The following DTNB variants were observed in gnomAD, a reference collection of about 807,000 sequenced individuals.
DTNB encodes dystrobrevin beta.
DTNB carries 63 observed loss-of-function variants against 90.7 expected under a neutral mutation model. The ratio of observed to expected loss-of-function variants is 0.69; its 90% CI spans 0.57 to 0.86. The LOEUF (loss-of-function observed/expected upper bound fraction) is 0.86. Ranked by LOEUF, DTNB falls within the 40% of genes least tolerant of loss-of-function variation. The probability of loss-of-function intolerance (pLI) is 0.00; values close to 1 mark genes in which losing one functional copy is unlikely to be tolerated. For synonymous variants in DTNB, 277 were observed against 286.7 expected, an observed-to-expected ratio of 0.97 and a Z score of 0.34; for missense variants, 744 against 807.1, an observed-to-expected ratio of 0.92 and a Z score of 0.95.
chr2:25,639,019 C>G lies in DTNB; in HGVS notation c.143G>C (p.Cys48Ser). The change falls in exon 3 of 21, where the codon TGC becomes TCC. Residue 48 changes from cysteine (C) to serine (S), a missense_variant. Physicochemically the swap from Cys to Ser is moderately radical, Grantham distance 112. Transcript: ENST00000406818. Reference sequence around the variant, plus strand: ...AATGAGTAGAAATGACTCACGGTTGCATCGTTTTTGTACAAATCGTAATTT... The same window carrying G: ...AATGAGTAGAAATGACTCACGGTTGGATCGTTTTTGTACAAATCGTAATTT... Reference protein sequence around the residue: ...ACKLRFVQKRCNLHLVDIWNM... With the variant: ...ACKLRFVQKRSNLHLVDIWNM... 1 of 1,584,522 alleles carries G rather than the reference C, an allele frequency of 6.3e-7. No individual in the cohort carries two copies. The highest frequency in any genetic ancestry group is 1.3e-5 in the African/African-American group (1 of 74,678).
chr2:25,531,865 A>G (rs1411614191), intron 8 of DTNB, among the ~76,000 whole-genome samples: 1 of 152,100 alleles, frequency 6.6e-6, no homozygotes, highest in East Asian at 1.9e-4. Flanking sequence ...GGACATCTCT[A>G]TGTACTCTTG....
At chr2:25,549,217 T>C (rs2083084835) in intron 8 of DTNB, among the ~76,000 whole-genome samples, 1 of 151,860 alleles carries the variant, frequency 6.6e-6, no homozygotes, top group Non-Finnish European at 1.5e-5. Flanking sequence ...TATATATCAG[T>C]AATATATATT....
At chr2:25,487,380 G>A (rs1427221321) in intron 9 of DTNB, among the ~76,000 whole-genome samples, 1 of 152,238 alleles carries the variant, frequency 6.6e-6, no homozygotes, top group East Asian at 1.9e-4. Flanking sequence ...GTGATGTGTA[G>A]GCATTGTGTT....
chr2:25,580,537 A>G (rs1410634361), intron 7 of DTNB, among the ~76,000 whole-genome samples, 184 bp downstream of exon 7: 1 of 151,774 alleles, frequency 6.6e-6, no homozygotes, highest in Non-Finnish European at 1.5e-5. Context: ...AAAAAAAAGT[A>G]ATAAGTACCC....
chr2:25,539,937 ACATTT>A (rs1278759360), intron 8 of DTNB, among the ~76,000 whole-genome samples: 5 of 152,326 alleles, frequency 3.3e-5, no homozygotes, highest in African/African-American at 7.2e-5. Flanking sequence ...TTTACTACTT[ACATTT>A]ATCATTTAAT....
intron 8 of DTNB, among the ~76,000 whole-genome samples, chr2:25,537,048 G>A (rs775937451): frequency 5.3e-5 from 8 of 152,086 alleles, no homozygotes; most frequent in Non-Finnish European, 8.8e-5. Flanking sequence ...GCCCCATACT[G>A]CAATTTTTAA....
At chr2:25,519,922 C>G (rs2075841024) in intron 9 of DTNB, among the ~76,000 whole-genome samples, 1 of 152,046 alleles carries the variant, frequency 6.6e-6, no homozygotes, top group African/African-American at 2.4e-5. Flanking sequence ...CTCTAGTCTC[C>G]CATCAAAAGA....
intron 1 of DTNB, among the ~76,000 whole-genome samples, chr2:25,661,836 G>T (rs192208780): frequency 1.5e-4 from 23 of 152,096 alleles, no homozygotes; most frequent in Non-Finnish European, 3.2e-4. Context: ...AAATATAACA[G>T]CAAAAGCAGT....
At chr2:25,588,821 T>C (rs972187972) in intron 6 of DTNB, among the ~76,000 whole-genome samples, 1 of 152,202 alleles carries the variant, frequency 6.6e-6, no homozygotes, top group African/African-American at 2.4e-5. Flanking sequence ...TGAGGTATCA[T>C]TGGCTATATA....
At chr2:25,520,057 T>C (rs1422761624) in intron 9 of DTNB, among the ~76,000 whole-genome samples, 2 of 151,982 alleles carry the variant, frequency 1.3e-5, no homozygotes, top group Non-Finnish European at 2.9e-5. Context: ...TAAAACCAAT[T>C]AATAACTCTC....
chr2:25,479,391 G>A (rs1343711614), intron 10 of DTNB, among the ~76,000 whole-genome samples: 2 of 152,164 alleles, frequency 1.3e-5, no homozygotes, highest in Non-Finnish European at 2.9e-5. Flanking sequence ...GGACAGGGGA[G>A]GGGTATTTTA....
intron 9 of DTNB, among the ~76,000 whole-genome samples, chr2:25,511,704 A>G (rs1038948120): frequency 2.6e-5 from 4 of 152,160 alleles, no homozygotes; most frequent in African/African-American, 7.2e-5. Context: ...TAAGCTTTCA[A>G]TAGGGCTGAG....
chr2:25,653,589 G>A (rs538454128), intron 1 of DTNB, among the ~76,000 whole-genome samples: 43 of 142,768 alleles, frequency 3.0e-4, no homozygotes, highest in Admixed American at 1.0e-3. Context: ...TCAGCTTGCT[G>A]CAACCTCCGA....
Position 25,569,362 on chromosome 2 carries a change from A to C in DTNB, c.876+7476T>G, listed in dbSNP as rs185281991. On this transcript the variant is annotated intron_variant, in intron 8 of 20. Transcript: ENST00000406818. ...TATTTATCAAGCGTCTCAAAGAAGA[A>C]GACTGATATAACCTTGCATGTTTGA... Among the ~76,000 whole-genome samples, 6 of 152,344 alleles carry C rather than the reference A, an allele frequency of 3.9e-5. No homozygotes were observed. The East Asian group carries it at 9.6e-4, about 24-fold the overall frequency.
rs533536129 is a variant in DTNB at position 25,527,443 on chromosome 2, A to G, written c.1001+4030T>C. ...GAGGCTGAGGCAGAAGAATCACTTGAACCCGGGAGGGGGAGGTTGCAGTGA... is the reference window on the plus strand; with the variant it reads ...GAGGCTGAGGCAGAAGAATCACTTGGACCCGGGAGGGGGAGGTTGCAGTGA... On this transcript the variant is annotated intron_variant, in intron 9 of 20. Coordinates refer to ENST00000406818, the MANE Select transcript of DTNB (RefSeq NM_021907.5). Among the ~76,000 whole-genome samples the G allele has an allele frequency of 1.1e-4, 17 of 152,236 alleles. No homozygotes were observed. The South Asian group carries it at 2.9e-3, about 26-fold the overall frequency.
chr2:25,634,961 T>C (rs2076812267), intron 3 of DTNB, among the ~76,000 whole-genome samples: 1 of 134,328 alleles, frequency 7.4e-6, no homozygotes. Context: ...CCAGAGACCT[T>C]TGTTCACTTG....
intron 10 of DTNB, among the ~76,000 whole-genome samples, chr2:25,470,046 A>C (rs2062508021): frequency 6.6e-6 from 1 of 152,238 alleles, no homozygotes; most frequent in Non-Finnish European, 1.5e-5. Context: ...TCTATGAGAA[A>C]TGCTGAGTGA....
chr2:25,523,457 C>T (rs1355748378), intron 9 of DTNB, among the ~76,000 whole-genome samples: 2 of 151,980 alleles, frequency 1.3e-5, no homozygotes, highest in Admixed American at 1.3e-4. Context: ...TAGGCCAACA[C>T]GGCGAAACCC....
intron 12 of DTNB, among the ~76,000 whole-genome samples, chr2:25,443,606 C>G (rs1004920644): frequency 6.6e-6 from 1 of 152,200 alleles, no homozygotes; most frequent in Non-Finnish European, 1.5e-5. Context: ...CCAGGGGCAG[C>G]CTGCCCATCA....
Sources: allele counts gnomAD v4.1 joint callset (sites outside exome capture counted in the v4.1 genomes callset), GRCh38; gene constraint gnomAD v4.1.1; transcripts MANE v1.5; gene names NCBI Gene and HGNC (gene_info 2026-07-23, HGNC 2026-07-21).